The following PRDX1 variants were observed in gnomAD, a reference collection of about 807,000 sequenced individuals.
PRDX1 encodes peroxiredoxin-1.
Under a neutral mutation model 20.7 loss-of-function variants are expected in PRDX1, and 19 were observed. The ratio of observed to expected loss-of-function variants is 0.92; its 90% confidence interval spans 0.64 to 1.35. The LOEUF is 1.35. Among genes scored for constraint, PRDX1 ranks in the 40% most tolerant of loss-of-function variants. The pLI is 0.00. For missense variants in PRDX1, 226 were observed against 240.0 expected, an observed-to-expected ratio of 0.94 and a Z score of 0.38; for synonymous variants, 89 against 83.9, an observed-to-expected ratio of 1.06 and a Z score of -0.33.
At chr1:45,517,372 GT>G (rs1643870758) in intron 2 of PRDX1, among the ~76,000 whole-genome samples, 1 of 152,128 alleles carries the variant, frequency 6.6e-6, no homozygotes, top group Non-Finnish European at 1.5e-5. Flanking sequence ...TGAGTTTCAG[GT>G]TAGCATTCTA....
At chr1:45,515,883 G>A in intron 2 of PRDX1, 76 bp from the exon 3 acceptor site, 4 of 1,369,750 alleles carry the variant, frequency 2.9e-6, no homozygotes, top group Non-Finnish European at 3.9e-6. Flanking sequence ...ACAAAAAGAA[G>A]CAAGTTGATG....
In PRDX1 at chr1:45,514,905, C is replaced by G; in HGVS notation, c.351G>C (p.Gly117=). ...AGATGCCTTCATCAGCCTTTAAGACCCCATAATCCTGAGCAATGGTGCGCT... is the reference window on the plus strand; with the variant it reads ...AGATGCCTTCATCAGCCTTTAAGACGCCATAATCCTGAGCAATGGTGCGCT... The part of the protein sequence containing the change: ...DPKRTIAQDY[G]VLKADEGISF... Residue 117 remains glycine (G), a synonymous_variant, in exon 4 of 6, where the codon GGG becomes GGC. Transcript: ENST00000319248. 6.2e-7 allele frequency: 1 copy of G among 1,614,122 alleles called. No individual in the cohort carries two copies. Among genetic ancestry groups the G allele is most frequent in the Non-Finnish European group, 8.5e-7 (1 of 1,180,014 alleles).
In PRDX1 at chr1:45,518,696, T is replaced by C. The variant is rs183499759; in HGVS notation, c.106+242A>G. On this transcript the variant is annotated intron_variant, in intron 2 of 5. Coordinates refer to ENST00000319248, the MANE Select transcript of PRDX1 (RefSeq NM_181697.3). ...AAATAGACGAGGAATACTGAAAAGA[T>C]AATTGAGCTAGTATGTCCAGACATA... Among the ~76,000 whole-genome samples, 17 of 152,236 alleles carry C rather than the reference T, an allele frequency of 1.1e-4. No homozygotes were observed. The East Asian group carries it at 3.1e-3, about 28-fold the overall frequency.
At position 45,519,006 on chromosome 1, in the gene PRDX1, G is replaced by A. The variant is rs1338876582; in HGVS notation, c.38C>T (p.Pro13Leu). The A allele has an allele frequency of 1.9e-6, 3 of 1,599,866 alleles. No homozygotes were observed. Among genetic ancestry groups the A allele is most frequent in the Non-Finnish European group, 2.6e-6 (3 of 1,175,884 alleles). The change falls in exon 2 of 6, where the codon CCC (proline) becomes CTC (leucine). Residue 13 changes from proline to leucine, a missense_variant. By Grantham distance (98) the Pro-to-Leu change is moderately conservative. Coordinates refer to ENST00000319248, the MANE Select transcript of PRDX1 (RefSeq NM_181697.3). ...SGNAKIGHPA[P>L]NFKATAVMPD... ...CATAACAGCTGTGGCTTTGAAGTTG[G>A]GGGCAGGGTGCCCAATTTTAGCATT...
chr1:45,520,224 A>AAAAAAAAAAAG lies in PRDX1; in HGVS notation c.-11-1171_-11-1170insCTTTTTTTTTT, dbSNP rs1168738391. On this transcript the variant is annotated intron_variant, in intron 1 of 5. Transcript: ENST00000319248. ...TGTCTCCAAAAAAAAAAAAAAAAAA[A>AAAAAAAAAAAG]AGAGGCAAGACCAAGATATTGATTG... is the stretch of plus-strand genomic sequence containing the variant. 4.8e-4 allele frequency among the ~76,000 whole-genome samples: 71 copies of AAAAAAAAAAAG among 147,868 alleles called. No homozygotes were observed. In the East Asian group the frequency reaches 5.2e-3, roughly 11 times the overall value.
intron 2 of PRDX1, among the ~76,000 whole-genome samples, chr1:45,516,264 A>C (rs975376729): frequency 6.6e-6 from 1 of 152,252 alleles, no homozygotes; most frequent in African/African-American, 2.4e-5. Flanking sequence ...TCCCGTGATG[A>C]ACCATAGTAA....
At position 45,514,490 on chromosome 1, in the gene PRDX1, T is replaced by G. The variant is rs958836225; in HGVS notation, c.514+17A>C. 1 of 1,613,968 alleles carries G rather than the reference T, an allele frequency of 6.2e-7. No homozygotes were observed. ...ATACCACCACTCTGTTGTCCTGTTA[T>G]CAGACAGATGGCTTACCTTCCCCAT... On this transcript the variant is annotated intron_variant, in intron 5 of 5. Coordinates refer to ENST00000319248, the MANE Select transcript of PRDX1 (RefSeq NM_181697.3).
chr1:45,516,560 T>C (rs1395330268), intron 2 of PRDX1, among the ~76,000 whole-genome samples: 1 of 152,150 alleles, frequency 6.6e-6, no homozygotes, highest in Non-Finnish European at 1.5e-5. Context: ...ACAGAACTTC[T>C]AGCTGCAATT....
upstream of PRDX1, among the ~76,000 whole-genome samples, chr1:45,522,598 C>T (rs143021061): frequency 1.1e-3 from 163 of 152,272 alleles, 1 homozygote; most frequent in Admixed American, 3.9e-3. Context: ...TGACTACCCC[C>T]CACAAACACA....
At chr1:45,518,169 G>A (rs1235023417) in intron 2 of PRDX1, among the ~76,000 whole-genome samples, 1 of 151,712 alleles carries the variant, frequency 6.6e-6, no homozygotes, top group Admixed American at 6.6e-5. Context: ...TCTACAAAAA[G>A]TACAAAAATT....
chr1:45,515,021 T>TA (rs1643832849), intron 3 of PRDX1, 26 bp from the exon 4 acceptor site: 1 of 1,612,996 alleles, frequency 6.2e-7, no homozygotes, highest in Non-Finnish European at 8.5e-7. Flanking sequence ...AACATACAGT[T>TA]ACATTCAAAC....
chr1:45,518,874 TA>T, intron 2 of PRDX1, 63 bp downstream of exon 2: 1 of 1,389,124 alleles, frequency 7.2e-7, no homozygotes, highest in Non-Finnish European at 1.0e-6. Flanking sequence ...GACACAAATC[TA>T]ACAAGCCACC....
chr1:45,517,192 T>G (rs1643869261), intron 2 of PRDX1, among the ~76,000 whole-genome samples: 2 of 152,124 alleles, frequency 1.3e-5, no homozygotes, highest in African/African-American at 4.8e-5. Flanking sequence ...CTAGACCTCC[T>G]GCTTATACCC....
At chr1:45,515,523 T>C in intron 3 of PRDX1, 131 bp downstream of exon 3, 2 of 940,900 alleles carry the variant, frequency 2.1e-6, no homozygotes, top group Non-Finnish European at 3.0e-6. Flanking sequence ...GGCGTGAAAC[T>C]GGGAGGCAGA....
intron 5 of PRDX1, among the ~76,000 whole-genome samples, chr1:45,513,973 C>CA (rs1448846867): frequency 6.6e-6 from 1 of 152,162 alleles, no homozygotes; most frequent in Non-Finnish European, 1.5e-5. Context: ...CGCCTCTTTG[C>CA]AGTTGAGACA....
At position 45,511,345 on chromosome 1, in the gene PRDX1, A is replaced by G; in HGVS notation, c.584T>C (p.Phe195Ser). The G allele has an allele frequency of 6.2e-7, 1 of 1,612,564 alleles. No homozygotes were observed. Among genetic ancestry groups the G allele is most frequent in the Non-Finnish European group, 8.5e-7 (1 of 1,179,354 alleles). Reference sequence around the variant, plus strand: ...GCCCAGCGCTCACTTCTGCTTGGAGAAATATTCTTTGCTCTTTTGGACATC... The same window carrying G: ...GCCCAGCGCTCACTTCTGCTTGGAGGAATATTCTTTGCTCTTTTGGACATC... ...KPDVQKSKEY[F>S]SKQK The change falls in exon 6 of 6, where the codon TTC becomes TCC. Residue 195 changes from phenylalanine (F) to serine (S), a missense_variant. Transcript: ENST00000319248.
chr1:45,512,714 T>G (rs1643777851), intron 5 of PRDX1: 1 of 152,100 alleles, frequency 6.6e-6, no homozygotes, highest in African/African-American at 2.4e-5. Context: ...AAAGTCCAGT[T>G]AAAGGGCCTA....
intron 5 of PRDX1, chr1:45,512,649 TTC>T: frequency 6.6e-6 from 1 of 152,122 alleles, no homozygotes; most frequent in African/African-American, 2.4e-5. Context: ...AGAAGCAAGC[TTC>T]TGAGTTATGA....
Position 45,511,286 on chromosome 1 carries a change from T to C in PRDX1, c.*43A>G, listed in dbSNP as rs1363054675. The stretch of plus-strand genomic sequence containing the variant: ...AAAAAATACAGAAGAGGTTTTGTTC[T>C]CATGGCTGCCCACCGCAGCCTGGCA... On this transcript the variant is annotated 3_prime_UTR_variant, in exon 6 of 6. Coordinates refer to ENST00000319248, the MANE Select transcript of PRDX1 (RefSeq NM_181697.3). 4 of 1,469,668 alleles carry C rather than the reference T, an allele frequency of 2.7e-6. No homozygotes were observed. Among genetic ancestry groups the C allele is most frequent in the Non-Finnish European group, 3.7e-6 (4 of 1,076,006 alleles). 91.0% of individuals were successfully genotyped at this position (1,469,668 alleles called of 1,614,324 possible).
Sources: gnomAD v4.1 joint callset for allele counts (sites outside exome capture counted in the v4.1 genomes callset) on GRCh38, gnomAD v4.1.1 for gene constraint, MANE v1.5 for transcripts, NCBI Gene and HGNC (gene_info 2026-07-23, HGNC 2026-07-21) for gene names.